The following USH2A variants were observed in gnomAD, a reference collection of about 807,000 sequenced individuals.
USH2A encodes the protein Usher syndrome 2A (autosomal recessive, mild).
A neutral mutation model predicts 538.9 loss-of-function variants in USH2A; 443 were observed. That is an observed-to-expected ratio of 0.82 (90% CI 0.76 to 0.89). USH2A has a LOEUF of 0.89. Among genes scored for constraint, USH2A ranks in the 40% least tolerant of loss-of-function variants. The pLI is 0.00. For synonymous variants in USH2A, 2,413 were observed against 2,273.5 expected (o/e 1.06, Z -1.75); for missense variants, 6,633 against 6,324.8 (o/e 1.05, Z -1.65).
chr1:215,741,930 C>A (rs1487091558), intron 59 of USH2A, among the ~76,000 whole-genome samples: 1 of 151,882 alleles, frequency 6.6e-6, no homozygotes, highest in Non-Finnish European at 1.5e-5. Context: ...TTTATTTTGC[C>A]AATATTTTAA....
intron 61 of USH2A, among the ~76,000 whole-genome samples, chr1:215,711,498 A>G (rs968276570): frequency 1.1e-4 from 16 of 152,368 alleles, no homozygotes; most frequent in African/African-American, 3.1e-4. Flanking sequence ...GTATTCAAAG[A>G]GAATCTTTCC....
chr1:216,119,520 A>T lies in USH2A; in HGVS notation c.4628-22307T>A, dbSNP rs1254760566. Among the ~76,000 whole-genome samples the T allele has an allele frequency of 2.0e-5, 3 of 152,024 alleles. No individual in the cohort carries two copies. In the East Asian group the frequency reaches 5.8e-4, roughly 29 times the overall value. Reference sequence around the variant, plus strand: ...AAGACCAATTATTCAAAGCAATAGGAACTCTATGTTGTTTTAAAGTTCTAC... The same window carrying T: ...AAGACCAATTATTCAAAGCAATAGGTACTCTATGTTGTTTTAAAGTTCTAC... On this transcript the variant is annotated intron_variant, in intron 21 of 71. Coordinates refer to ENST00000307340, the MANE Select transcript of USH2A (RefSeq NM_206933.4).
At position 215,647,751 on chromosome 1, in the gene USH2A, T is replaced by C; in HGVS notation, c.14583-21A>G. 6.2e-7 allele frequency: 1 copy of C among 1,612,910 alleles called. No individual in the cohort carries two copies. The highest frequency in any genetic ancestry group is 1.1e-5 in the South Asian group (1 of 91,054). Reference sequence around the variant, plus strand: ...CATAGCTAAAATGAGAATGGATACGTAGAGTCAAGACGGGTAATGGAATTA... The same window carrying C: ...CATAGCTAAAATGAGAATGGATACGCAGAGTCAAGACGGGTAATGGAATTA... On this transcript the variant is annotated intron_variant, in intron 66 of 71. Transcript: ENST00000307340.
chr1:215,665,470 G>A (rs1226472896), intron 64 of USH2A, among the ~76,000 whole-genome samples: 1 of 152,160 alleles, frequency 6.6e-6, no homozygotes, highest in Non-Finnish European at 1.5e-5. Flanking sequence ...TCAGTGAAAG[G>A]GGGGGTGGTG....
Position 215,965,495 on chromosome 1 carries a change from G to T in USH2A, c.6958-16C>A, listed in dbSNP as rs1326433619. ...GATTTTCCACCTGTGAGTATAAAAAGATTTATTTTTGTTTGCAAATAAAAT... is the reference window on the plus strand; with the variant it reads ...GATTTTCCACCTGTGAGTATAAAAATATTTATTTTTGTTTGCAAATAAAAT... On this transcript the variant is annotated splice_polypyrimidine_tract_variant and intron_variant, in intron 36 of 71. Transcript: ENST00000307340. 6.2e-7 allele frequency: 1 copy of T among 1,612,858 alleles called. No homozygotes were observed. The highest frequency in any genetic ancestry group is 1.3e-5 in the African/African-American group (1 of 74,900).
chr1:216,288,551 C>T (rs953646219), intron 11 of USH2A, among the ~76,000 whole-genome samples: 9 of 152,008 alleles, frequency 5.9e-5, no homozygotes, highest in African/African-American at 9.7e-5. Flanking sequence ...ATGCTCCTAG[C>T]CTTATTTATT....
At chr1:216,142,994 A>T (rs2033629269) in intron 21 of USH2A, among the ~76,000 whole-genome samples, 1 of 152,078 alleles carries the variant, frequency 6.6e-6, no homozygotes, top group Non-Finnish European at 1.5e-5. Context: ...AACAGTTATC[A>T]TGTGTCCCCT....
chr1:216,226,562 A>C (rs958403364), intron 14 of USH2A, among the ~76,000 whole-genome samples: 1 of 152,208 alleles, frequency 6.6e-6, no homozygotes, highest in African/African-American at 2.4e-5. Context: ...CTGGTCCTGC[A>C]TATACATAAA....
chr1:216,181,397 C>T (rs564261863), intron 20 of USH2A, among the ~76,000 whole-genome samples: 5 of 152,202 alleles, frequency 3.3e-5, no homozygotes, highest in African/African-American at 1.2e-4. Context: ...GCAGGAGCCC[C>T]TCTGGTTTAT....
chr1:215,701,807 C>T (rs1659026551), intron 61 of USH2A, among the ~76,000 whole-genome samples: 1 of 152,090 alleles, frequency 6.6e-6, no homozygotes, highest in African/African-American at 2.4e-5. Context: ...GGGCATTTAG[C>T]CCATTTACAT....
intron 38 of USH2A, among the ~76,000 whole-genome samples, chr1:215,917,642 A>T (rs1351913861): frequency 6.6e-6 from 1 of 151,832 alleles, no homozygotes; most frequent in Non-Finnish European, 1.5e-5. Flanking sequence ...CAAGAAAAAT[A>T]GCAAAATAAA....
intron 47 of USH2A, among the ~76,000 whole-genome samples, chr1:215,819,168 C>G (rs1267077988): frequency 2.0e-5 from 3 of 151,808 alleles, no homozygotes; most frequent in Non-Finnish European, 4.4e-5. Context: ...CCTTGTCCTT[C>G]TATTTCAAAA....
At chr1:216,169,805 C>T (rs1006687530) in intron 21 of USH2A, among the ~76,000 whole-genome samples, 1 of 152,058 alleles carries the variant, frequency 6.6e-6, no homozygotes, top group Admixed American at 6.6e-5. Context: ...ATAATTACTG[C>T]CTGTTCATTA....
chr1:215,993,251 A>G (rs1668048679), intron 34 of USH2A, 84 bp from the exon 35 acceptor site: 1 of 1,606,026 alleles, frequency 6.2e-7, no homozygotes, highest in Non-Finnish European at 8.5e-7. Context: ...TCATAATAAG[A>G]GTTTCAGATT....
chr1:215,899,728 G>T (rs1457826918), intron 40 of USH2A, among the ~76,000 whole-genome samples: 1 of 152,116 alleles, frequency 6.6e-6, no homozygotes. Context: ...CTGCCTGCCA[G>T]AATTTCTCCG....
At chr1:216,146,044 G>A (rs1397985978) in intron 21 of USH2A, among the ~76,000 whole-genome samples, 2 of 152,154 alleles carry the variant, frequency 1.3e-5, no homozygotes, top group African/African-American at 2.4e-5. Flanking sequence ...TCACACGGAC[G>A]CGCATGAAAT....
At chr1:215,730,126 A>T (rs1441834827) in intron 60 of USH2A, among the ~76,000 whole-genome samples, 1 of 152,228 alleles carries the variant, frequency 6.6e-6, no homozygotes, top group East Asian at 1.9e-4. Flanking sequence ...CATTAAATAT[A>T]GAAGTAAGAG....
At chr1:215,738,011 T>C (rs1255218919) in intron 60 of USH2A, among the ~76,000 whole-genome samples, 1 of 152,100 alleles carries the variant, frequency 6.6e-6, no homozygotes, top group East Asian at 1.9e-4. Flanking sequence ...ATCAAATCTT[T>C]TTATTTATTT....
intron 37 of USH2A, among the ~76,000 whole-genome samples, chr1:215,953,651 G>C (rs1047218868): frequency 6.6e-6 from 1 of 151,936 alleles, no homozygotes; most frequent in African/African-American, 2.4e-5. Flanking sequence ...ACATAGGCAT[G>C]GGCAAGGACT....
Sources: gnomAD v4.1 joint callset for allele counts (sites outside exome capture counted in the v4.1 genomes callset) on GRCh38, gnomAD v4.1.1 for gene constraint, MANE v1.5 for transcripts, NCBI Gene and HGNC (gene_info 2026-07-23, HGNC 2026-07-21) for gene names.